APBA1: variants seen among roughly 807,000 people sequenced by gnomAD.
APBA1 encodes amyloid beta precursor protein binding family A member 1.
APBA1 carries 55 observed loss-of-function variants against 86.6 expected under a neutral mutation model. The ratio of observed to expected loss-of-function variants is 0.64; its 90% confidence interval spans 0.51 to 0.80. The LOEUF is 0.80. Ranked by LOEUF, APBA1 falls within the 30% of genes least tolerant of loss-of-function variation. APBA1 has a pLI of 0.00. For synonymous variants in APBA1, 511 were observed against 493.9 expected, an observed-to-expected ratio of 1.03 and a Z score of -0.46; for missense variants, 1,090 against 1,183.0, an observed-to-expected ratio of 0.92 and a Z score of 1.15.
intron 1 of APBA1, among the ~76,000 whole-genome samples, chr9:69,632,369 C>T (rs62569749): frequency 3.9e-5 from 6 of 152,080 alleles, no homozygotes; most frequent in Non-Finnish European, 4.4e-5. Flanking sequence ...TTTACTTTTT[C>T]CTTTATTGAG....
At chr9:69,624,115 G>T (rs1039630955) in intron 1 of APBA1, among the ~76,000 whole-genome samples, 1 of 152,166 alleles carries the variant, frequency 6.6e-6, no homozygotes, top group Non-Finnish European at 1.5e-5. Flanking sequence ...CAGAGGTTCA[G>T]ATTATGATAC....
chr9:69,443,089 A>G (rs1834851574), intron 10 of APBA1, among the ~76,000 whole-genome samples: 1 of 152,142 alleles, frequency 6.6e-6, no homozygotes, highest in Non-Finnish European at 1.5e-5. Flanking sequence ...CAGCTTTACT[A>G]TGCTTGGCCA....
rs1834969287 is a variant in APBA1 at position 69,449,707 on chromosome 9, G to T, written c.2058C>A (p.Ala686=). Residue 686 remains alanine (A), a synonymous_variant, in exon 10 of 13, where the codon GCC becomes GCA. Transcript: ENST00000265381. ...CCGCAGGGCCACCATGCATCATGTT[G>T]GCAATGATCACGGTGGGGAGGATGG... The part of the protein sequence containing the change: ...WGSILPTVII[A]NMMHGGPAEK... 5 of 1,613,958 alleles carry T rather than the reference G, an allele frequency of 3.1e-6. No individual in the cohort carries two copies. Among genetic ancestry groups the T allele is most frequent in the Non-Finnish European group, 4.2e-6 (5 of 1,180,026 alleles).
At chr9:69,659,051 C>A (rs1823701162) in intron 1 of APBA1, among the ~76,000 whole-genome samples, 2 of 152,280 alleles carry the variant, frequency 1.3e-5, no homozygotes, top group South Asian at 2.1e-4. Context: ...TTCCTAGGAG[C>A]ATCTCCTTAA....
intron 1 of APBA1, among the ~76,000 whole-genome samples, chr9:69,634,508 A>C (rs12341008): frequency 6.6e-6 from 1 of 152,174 alleles, no homozygotes; most frequent in Non-Finnish European, 1.5e-5. Flanking sequence ...TCTAAGAGTA[A>C]TTGGCTTAAA....
intron 2 of APBA1, among the ~76,000 whole-genome samples, chr9:69,492,749 T>G (rs1564054643): frequency 1.3e-5 from 2 of 152,022 alleles, no homozygotes; most frequent in African/African-American, 2.4e-5. Flanking sequence ...ATTTATAGCA[T>G]AGTTCACACA....
chr9:69,495,539 C>A (rs1468714517), intron 2 of APBA1, among the ~76,000 whole-genome samples: 1 of 152,032 alleles, frequency 6.6e-6, no homozygotes, highest in African/African-American at 2.4e-5. Flanking sequence ...GACCACCTCC[C>A]AGGGTGTCCG....
At position 69,455,477 on chromosome 9, in the gene APBA1, C is replaced by T. The variant is rs117710078; in HGVS notation, c.1788+770G>A. Among the ~76,000 whole-genome samples, 149 of 152,208 alleles carry T rather than the reference C, an allele frequency of 9.8e-4. 4 individuals are homozygous for T. The East Asian group carries it at 0.026, about 26-fold the overall frequency. ...GCCTCACTAGCAGCTTGGGTTACAA[C>T]CCTGAAAGTAGGCCAAATGACAGAA... is the stretch of plus-strand genomic sequence containing the variant. On this transcript the variant is annotated intron_variant, in intron 8 of 12. Transcript: ENST00000265381.
intron 1 of APBA1, among the ~76,000 whole-genome samples, chr9:69,553,492 T>G (rs1836818966): frequency 6.6e-6 from 1 of 152,214 alleles, no homozygotes; most frequent in Non-Finnish European, 1.5e-5. Context: ...GTGTCTGGCT[T>G]TATTAACTCA....
intron 1 of APBA1, among the ~76,000 whole-genome samples, chr9:69,525,782 A>G (rs1448840183): frequency 2.0e-5 from 3 of 152,190 alleles, no homozygotes; most frequent in African/African-American, 7.2e-5. Flanking sequence ...AAAAAGAGCA[A>G]AGCCAGAGGT....
chr9:69,636,939 G>GAA (rs1823186930), intron 1 of APBA1, among the ~76,000 whole-genome samples: 3 of 144,604 alleles, frequency 2.1e-5, no homozygotes, highest in Admixed American at 7.0e-5. Flanking sequence ...AAGAAAGAAA[G>GAA]AAAGAAAGAA....
intron 2 of APBA1, among the ~76,000 whole-genome samples, chr9:69,512,837 T>C (rs1000171425): frequency 1.3e-5 from 2 of 152,216 alleles, no homozygotes; most frequent in African/African-American, 4.8e-5. Flanking sequence ...GCATTTCTAA[T>C]AAGTACCACC....
intron 2 of APBA1, among the ~76,000 whole-genome samples, chr9:69,506,149 T>C (rs1312011045): frequency 6.6e-6 from 1 of 151,418 alleles, no homozygotes; most frequent in Non-Finnish European, 1.5e-5. Flanking sequence ...CATTTCCATC[T>C]GAGGTACTGG....
intron 1 of APBA1, among the ~76,000 whole-genome samples, chr9:69,636,803 AAG>A (rs34367635): frequency 0.24 from 3,529 of 14,764 alleles, 479 homozygotes; most frequent in South Asian, 0.47. Context: ...TCAAAAAAAG[AAG>A]AGAGAGAGAG....
intron 1 of APBA1, among the ~76,000 whole-genome samples, chr9:69,666,464 T>G (rs1044621958): frequency 9.1e-4 from 139 of 152,120 alleles, no homozygotes; most frequent in African/African-American, 3.3e-3. Flanking sequence ...ACCTGGCATA[T>G]TATGTAATTA....
At chr9:69,664,661 T>C (rs1823811552) in intron 1 of APBA1, among the ~76,000 whole-genome samples, 1 of 152,250 alleles carries the variant, frequency 6.6e-6, no homozygotes, top group Non-Finnish European at 1.5e-5. Flanking sequence ...TAAACATAAG[T>C]AGATACTTCA....
intron 1 of APBA1, among the ~76,000 whole-genome samples, chr9:69,616,405 A>G (rs1426095276): frequency 6.6e-6 from 1 of 152,200 alleles, no homozygotes; most frequent in Admixed American, 6.5e-5. Context: ...TGGTCATTTG[A>G]TTGATGCAAT....
chr9:69,558,545 T>C (rs142766409), intron 1 of APBA1, among the ~76,000 whole-genome samples: 162 of 88,718 alleles, frequency 1.8e-3, no homozygotes, highest in South Asian at 9.0e-3. Flanking sequence ...CACACACACA[T>C]ACACACACAC....
intron 4 of APBA1, 110 bp downstream of exon 4, chr9:69,471,546 T>G: frequency 1.1e-6 from 1 of 875,268 alleles, no homozygotes; most frequent in Non-Finnish European, 1.9e-6. Flanking sequence ...AATAAGTGAC[T>G]TTGTGGCCTT....
Sources: allele counts gnomAD v4.1 joint callset (sites outside exome capture counted in the v4.1 genomes callset), GRCh38; gene constraint gnomAD v4.1.1; transcripts MANE v1.5; gene names NCBI Gene and HGNC (gene_info 2026-07-23, HGNC 2026-07-21).